NEMP1: variants seen among roughly 807,000 people sequenced by gnomAD.
NEMP1 encodes nuclear envelope integral membrane protein 1.
NEMP1 carries 29 observed loss-of-function variants against 53.7 expected under a neutral mutation model. That is an observed-to-expected ratio of 0.54 (90% CI 0.40 to 0.74). The LOEUF is 0.74. Ranked by LOEUF, NEMP1 falls within the 30% of genes least tolerant of loss-of-function variation. NEMP1 has a pLI of 0.00. For synonymous variants in NEMP1, 193 were observed against 192.9 expected, an observed-to-expected ratio of 1.00 and a Z score of 0.00; for missense variants, 477 against 528.6, an observed-to-expected ratio of 0.90 and a Z score of 0.96.
In NEMP1 at chr12:57,057,729, A is replaced by C. The variant is rs1324471505; in HGVS notation, c.*2150T>G. ...GAAAAAAAACTGGTCTAGAGATGGA[A>C]ACTATATTTCATGGGGGTTTATTAA... On this transcript the variant is annotated 3_prime_UTR_variant, in exon 9 of 9. Transcript: ENST00000300128. 2.0e-5 allele frequency: 3 copies of C among 152,222 alleles called. No homozygotes were observed. The East Asian group carries it at 5.8e-4, about 29-fold the overall frequency. 9.4% of individuals were successfully genotyped at this position (152,222 alleles called of 1,614,324 possible). A position where few individuals can be genotyped will look rare whatever the true frequency, so the allele number is the denominator to read the frequency against.
At chr12:57,081,763 C>G (rs1482789970), upstream of NEMP1, among the ~76,000 whole-genome samples, 1 of 145,172 alleles carries the variant, frequency 6.9e-6, no homozygotes, top group African/African-American at 2.6e-5. Context: ...AAAAATTAGT[C>G]GGGCGTGGTG....
chr12:57,073,958 TTTTTA>T (rs936572997), intron 1 of NEMP1, among the ~76,000 whole-genome samples: 5 of 151,824 alleles, frequency 3.3e-5, no homozygotes, highest in South Asian at 4.1e-4. Context: ...ATTGGCAGGT[TTTTTA>T]TTTTATTTTT....
rs1347371862 is a variant in NEMP1, at chr12:57,059,225, C to G, written c.*654G>C. On this transcript the variant is annotated 3_prime_UTR_variant, in exon 9 of 9. Coordinates refer to ENST00000300128, the MANE Select transcript of NEMP1 (RefSeq NM_001130963.2). ...AGAACTAAATCAAAGCTTAAAACAA[C>G]AGCTCCTGGGGCTTTAATGGATAAT... The G allele has an allele frequency of 1.3e-5, 2 of 152,200 alleles. No individual in the cohort carries two copies. The highest frequency in any genetic ancestry group is 2.9e-5 in the Non-Finnish European group (2 of 68,052). 9.4% of individuals were successfully genotyped at this position (152,200 alleles called of 1,614,324 possible).
chr12:57,064,664 T>C lies in NEMP1; in HGVS notation c.621A>G (p.Leu207=), dbSNP rs769729624. 15 of 1,611,670 alleles carry C rather than the reference T, an allele frequency of 9.3e-6. No homozygotes were observed. The Admixed American group carries it at 1.7e-4, about 18-fold the overall frequency. The change falls in exon 5 of 9, where the codon CTA becomes CTG. Residue 207 remains leucine, a synonymous_variant. Transcript: ENST00000300128. The part of the protein sequence containing the change: ...VASLLIIIFI[L]SKFMPKKSPI... ...TACTTACCTTAGGCATAAACTTAGA[T>C]AGTATAAAAATGATGATTAGCAGAG...
Position 57,064,071 on chromosome 12 carries a change from T to G in NEMP1, c.754A>C (p.Ser252Arg), listed in dbSNP as rs200826762. The G allele has an allele frequency of 4.4e-6, 7 of 1,576,324 alleles. No individual in the cohort carries two copies. Among genetic ancestry groups the G allele is most frequent in the Non-Finnish European group, 3.5e-6 (4 of 1,152,360 alleles). The change falls in exon 6 of 9, where the codon AGT (serine) becomes CGT (arginine). Residue 252 changes from serine (S) to arginine (R), a missense_variant and splice_region_variant. Physicochemically the swap from Ser to Arg is moderately radical, Grantham distance 110 (BLOSUM62 -1). Coordinates refer to ENST00000300128, the MANE Select transcript of NEMP1 (RefSeq NM_001130963.2). ...IWRCYWQYLLSYVLTVGFMSF... is the reference protein window; with the variant it reads ...IWRCYWQYLLRYVLTVGFMSF... ...GGAAAGCAAAACCGACAACACTTAC[T>G]TAAAAGATACTGCCAGTAACACCTC...
chr12:57,072,891 A>G lies in NEMP1; in HGVS notation c.149T>C (p.Val50Ala), dbSNP rs1280471757. 2.5e-6 allele frequency: 4 copies of G among 1,613,022 alleles called. No individual in the cohort carries two copies. The highest frequency in any genetic ancestry group is 3.4e-6 in the Non-Finnish European group (4 of 1,179,608). The change falls in exon 2 of 9, where the codon GTC becomes GCC. Residue 50 changes from valine (V) to alanine (A), a missense_variant. Transcript: ENST00000300128. ...YGTAETDVNV[V>A]MLQESQVCEK... is the part of the protein sequence containing the mutation. ...ACAAACTTGGGATTCCTGAAGCATG[A>G]CCACATTTACATCAGTTTCAGCTTT...
rs531963232 is a variant in NEMP1 at position 57,069,131 on chromosome 12, T to C, written c.545+103A>G. On this transcript the variant is annotated intron_variant, in intron 4 of 8. Transcript: ENST00000300128. ...ATCCAAGCAGGCAACGGCCAAGCCA[T>C]AAAGGTCCTGGAAATGGGAATGGCA... 7 of 717,850 alleles carry C rather than the reference T, an allele frequency of 9.8e-6. No homozygotes were observed. The Admixed American group carries it at 1.9e-4, about 19-fold the overall frequency. 44.5% of individuals were successfully genotyped at this position (717,850 alleles called of 1,614,324 possible).
At chr12:57,072,693 T>C in intron 2 of NEMP1, 95 bp downstream of exon 2, 1 of 1,328,964 alleles carries the variant, frequency 7.5e-7, no homozygotes, top group Non-Finnish European at 1.0e-6. Context: ...ACATTTTTTT[T>C]AAGCATGTGA....
chr12:57,063,068 T>G (rs374886847), intron 7 of NEMP1, 51 bp downstream of exon 7: 125 of 1,439,698 alleles, frequency 8.7e-5, no homozygotes, highest in Non-Finnish European at 1.1e-4. Flanking sequence ...TTGCTGCAAC[T>G]GCATCCCACA....
At chr12:57,082,857 C>CA (rs774695997), upstream of NEMP1, among the ~76,000 whole-genome samples, 4,035 of 134,218 alleles carry the variant, frequency 0.03, 72 homozygotes, top group Middle Eastern at 0.08. Flanking sequence ...ACAAAGAATA[C>CA]AAAAAAAAAA....
At chr12:57,076,229 TTAA>T (rs2032613108) in intron 1 of NEMP1, among the ~76,000 whole-genome samples, 1 of 152,210 alleles carries the variant, frequency 6.6e-6, no homozygotes, top group Admixed American at 6.5e-5. Flanking sequence ...ATCCACAACA[TTAA>T]TAATGATTTT....
chr12:57,085,669 T>A (rs1304550329), intron 1 of NEMP1, among the ~76,000 whole-genome samples: 1 of 152,250 alleles, frequency 6.6e-6, no homozygotes, highest in East Asian at 1.9e-4. Context: ...ATCATTACTT[T>A]ATACTTTTCT....
intron 2 of NEMP1, among the ~76,000 whole-genome samples, chr12:57,071,878 A>C (rs1479258369): frequency 4.6e-5 from 7 of 152,146 alleles, no homozygotes; most frequent in Admixed American, 4.6e-4. Context: ...TGTGAACAAC[A>C]AATGTCCTTA....
intron 2 of NEMP1, 31 bp downstream of exon 2, chr12:57,072,757 C>A: frequency 6.4e-7 from 1 of 1,559,592 alleles, no homozygotes; most frequent in Non-Finnish European, 8.7e-7. Context: ...TTTACAGAAG[C>A]TGCCACTGCC....
chr12:57,063,990 G>T, intron 6 of NEMP1, 81 bp downstream of exon 6: 1 of 793,542 alleles, frequency 1.3e-6, no homozygotes, highest in Non-Finnish European at 2.0e-6. Context: ...AATCCCATAA[G>T]CAGGCAAAAT....
At chr12:57,063,054 C>T (rs1167936806) in intron 7 of NEMP1, 65 bp downstream of exon 7, 1 of 1,298,258 alleles carries the variant, frequency 7.7e-7, no homozygotes, top group African/African-American at 1.5e-5. Flanking sequence ...ACCTCTGTAT[C>T]CTCTTGCTGC....
rs146251337 is a variant in NEMP1 at position 57,059,993 on chromosome 12, C to T, written c.1221G>A (p.Glu407=). 231 of 1,613,898 alleles carry T rather than the reference C, an allele frequency of 1.4e-4. No homozygotes were observed. Among genetic ancestry groups the T allele is most frequent in the Non-Finnish European group, 1.3e-4 (155 of 1,180,004 alleles). Reference sequence around the variant, plus strand: ...GGGCAATAATGCTCCCTAATCCATACTCCTGCTCATGGACAGAAACTTCAT... The same window carrying T: ...GGGCAATAATGCTCCCTAATCCATATTCCTGCTCATGGACAGAAACTTCAT... ...TPNEVSVHEQ[E]YGLGSIIAQD... is the part of the protein sequence containing the mutation. Residue 407 remains glutamate (E), a synonymous_variant, in exon 9 of 9, where the codon GAG becomes GAA. Coordinates refer to ENST00000300128, the MANE Select transcript of NEMP1 (RefSeq NM_001130963.2).
chr12:57,087,720 G>A (rs2033054566), intron 1 of NEMP1, among the ~76,000 whole-genome samples: 2 of 152,068 alleles, frequency 1.3e-5, no homozygotes, highest in Non-Finnish European at 2.9e-5. Context: ...CCGGTCCACG[G>A]CCTCCACGCC....
At chr12:57,070,641 A>G (rs1392872469) in intron 3 of NEMP1, 33 bp downstream of exon 3, 1 of 1,523,174 alleles carries the variant, frequency 6.6e-7, no homozygotes, top group Admixed American at 2.0e-5. Flanking sequence ...TTATCACTAC[A>G]GAATCCATCA....
Sources: gnomAD v4.1 joint callset for allele counts (sites outside exome capture counted in the v4.1 genomes callset) on GRCh38, gnomAD v4.1.1 for gene constraint, MANE v1.5 for transcripts, NCBI Gene and HGNC (gene_info 2026-07-23, HGNC 2026-07-21) for gene names.